The following ANXA8 variants were observed in gnomAD, a reference collection of about 807,000 sequenced individuals.
The protein encoded by ANXA8 is annexin A8.
A neutral mutation model predicts 26.8 loss-of-function variants in ANXA8; 9 were observed. The observed-to-expected ratio is 0.34, with a 90% confidence interval of 0.20 to 0.59. The LOEUF is 0.59. Among genes scored for constraint, ANXA8 ranks in the 20% least tolerant of loss-of-function variants. ANXA8 has a pLI of 0.84. For missense variants in ANXA8, 83 were observed against 238.5 expected, an observed-to-expected ratio of 0.35 and a Z score of 4.29; for synonymous variants, 39 against 94.8, an observed-to-expected ratio of 0.41 and a Z score of 3.42.
At chr10:47,507,624 T>G in the ANXA8 span, 3 of 1,529,040 alleles carry the variant, frequency 2.0e-6, no homozygotes, top group Non-Finnish European at 2.6e-6. Context: ...GATGTTATCA[T>G]TTGTTAGGCC....
the ANXA8 span, among the ~76,000 whole-genome samples, chr10:47,657,349 G>T: frequency 3.3e-5 from 5 of 151,740 alleles, no homozygotes; most frequent in Non-Finnish European, 5.9e-5. Flanking sequence ...AAATTTTAAT[G>T]TTTAGAGATC....
At chr10:47,899,565 A>G in the ANXA8 span, among the ~76,000 whole-genome samples, 2 of 53,832 alleles carry the variant, frequency 3.7e-5, 1 homozygote, top group Non-Finnish European at 7.2e-5. Context: ...GCCGGAGTGC[A>G]GTGGCACGAT....
chr10:47,514,659 T>TAA, the ANXA8 span, among the ~76,000 whole-genome samples: 6 of 31,354 alleles, frequency 1.9e-4, no homozygotes, highest in Admixed American at 3.8e-4. Context: ...TCAGCAAACA[T>TAA]AAAATAAAAC....
the ANXA8 span, among the ~76,000 whole-genome samples, chr10:47,663,725 G>A: frequency 1.4e-5 from 2 of 146,656 alleles, no homozygotes; most frequent in Non-Finnish European, 2.9e-5. Flanking sequence ...TGGTTTCATT[G>A]GCAGTATTGA....
At chr10:47,608,150 T>C in the ANXA8 span, among the ~76,000 whole-genome samples, 1 of 135,376 alleles carries the variant, frequency 7.4e-6, no homozygotes, top group African/African-American at 3.1e-5. Flanking sequence ...GTTCTAGACC[T>C]CTAGAATCCA....
At chr10:47,975,170 G>T in the ANXA8 span, among the ~76,000 whole-genome samples, 1 of 149,308 alleles carries the variant, frequency 6.7e-6, no homozygotes. Flanking sequence ...ATAAGGGATA[G>T]AAAGTATCTT....
chr10:47,641,208 TTAA>T, the ANXA8 span, among the ~76,000 whole-genome samples: 2 of 151,496 alleles, frequency 1.3e-5, no homozygotes, highest in African/African-American at 2.4e-5. Context: ...GGCATTTAGC[TTAA>T]TAATAAGACT....
chr10:47,973,228 C>A, the ANXA8 span: 1 of 149,702 alleles, frequency 6.7e-6, no homozygotes, highest in African/African-American at 2.4e-5. Context: ...ACACACTCTT[C>A]CAAGCACACA....
chr10:47,942,346 G>A, the ANXA8 span, among the ~76,000 whole-genome samples: 2 of 144,980 alleles, frequency 1.4e-5, no homozygotes, highest in Non-Finnish European at 3.0e-5. Context: ...CTAAGCCTCT[G>A]ACACCTTTTG....
chr10:47,558,171 T>C, the ANXA8 span, among the ~76,000 whole-genome samples: 706 of 152,066 alleles, frequency 4.6e-3, 14 homozygotes, highest in African/African-American at 0.016. Context: ...GAAGGAATGA[T>C]TTAAAAGTTC....
the ANXA8 span, among the ~76,000 whole-genome samples, chr10:47,528,229 G>A: frequency 3.9e-3 from 525 of 135,696 alleles, 1 homozygote; most frequent in East Asian, 0.054. Context: ...ACAGGCACCC[G>A]TTACCATGTC....
the ANXA8 span, among the ~76,000 whole-genome samples, chr10:47,952,137 T>C: frequency 5.7e-4 from 86 of 151,058 alleles, 1 homozygote; most frequent in Middle Eastern, 6.8e-3. Flanking sequence ...CCTGAAAAAA[T>C]GCTGTCATGA....
the ANXA8 span, among the ~76,000 whole-genome samples, chr10:47,623,860 CT>C: frequency 4.7e-5 from 1 of 21,054 alleles, no homozygotes; most frequent in Non-Finnish European, 8.5e-5. Context: ...TCAGGTCTCC[CT>C]TCTTTTTTTT....
chr10:47,581,799 G>T, the ANXA8 span, among the ~76,000 whole-genome samples: 3 of 150,620 alleles, frequency 2.0e-5, no homozygotes, highest in Non-Finnish European at 4.4e-5. Context: ...TAGAGACGGG[G>T]TTTCACCGTG....
chr10:47,679,997 T>C, the ANXA8 span, among the ~76,000 whole-genome samples: 1 of 151,578 alleles, frequency 6.6e-6, no homozygotes, highest in South Asian at 2.1e-4. Flanking sequence ...TTTTCTGAGA[T>C]GGAGTTTCTC....
the ANXA8 span, among the ~76,000 whole-genome samples, chr10:47,667,409 TTTCCACTG>T: frequency 2.0e-5 from 3 of 152,018 alleles, no homozygotes; most frequent in Admixed American, 2.0e-4. Flanking sequence ...CTTCCCTTTG[TTTCCACTG>T]TTCTGAAACT....
the ANXA8 span, among the ~76,000 whole-genome samples, chr10:47,764,056 C>A: frequency 6.6e-6 from 1 of 151,674 alleles, no homozygotes; most frequent in African/African-American, 2.4e-5. Context: ...AGGCCGCAGC[C>A]ACTCCCCTTC....
the ANXA8 span, among the ~76,000 whole-genome samples, chr10:47,651,306 AC>A: frequency 1.3e-5 from 2 of 151,222 alleles, no homozygotes. Context: ...AACCCAAAAA[AC>A]AAAACCCCAA....
chr10:47,959,948 C>T, the ANXA8 span, among the ~76,000 whole-genome samples: 2 of 151,104 alleles, frequency 1.3e-5, no homozygotes, highest in African/African-American at 4.9e-5. Context: ...TGTGCCTAGG[C>T]CTGCAGACCA....
Sources: gnomAD v4.1 joint callset for allele counts (sites outside exome capture counted in the v4.1 genomes callset) on GRCh38, gnomAD v4.1.1 for gene constraint, MANE v1.5 for transcripts, NCBI Gene and HGNC (gene_info 2026-07-23, HGNC 2026-07-21) for gene names.